Variants in MEGF9 observed in about 807,000 individuals in gnomAD.
MEGF9 encodes multiple epidermal growth factor-like domains protein 9.
Under a neutral mutation model 46.8 loss-of-function variants are expected in MEGF9, and 6 were observed. That is an observed-to-expected ratio of 0.13 (90% CI 0.07 to 0.25). The LOEUF (loss-of-function observed/expected upper bound fraction) is 0.25. Ranked by LOEUF, MEGF9 falls within the 10% of genes least tolerant of loss-of-function variation. The probability of loss-of-function intolerance (pLI) is 1.00; values close to 1 mark genes in which losing one functional copy is unlikely to be tolerated. For missense variants in MEGF9, 683 were observed against 792.4 expected (o/e 0.86, Z 1.66); for synonymous variants, 302 against 330.7 (o/e 0.91, Z 0.94).
At chr9:120,674,880 A>ATTT (rs35813407) in intron 1 of MEGF9, among the ~76,000 whole-genome samples, 6 of 135,740 alleles carry the variant, frequency 4.4e-5, no homozygotes, top group Non-Finnish European at 1.5e-5. Flanking sequence ...AGCAGTTTCT[A>ATTT]TTTTTTTTTT....
At chr9:120,684,865 G>A (rs899291033) in intron 1 of MEGF9, among the ~76,000 whole-genome samples, 2 of 150,054 alleles carry the variant, frequency 1.3e-5, no homozygotes, top group South Asian at 2.1e-4. Flanking sequence ...ACGGAGTCTC[G>A]CTCTCTCTCC....
At chr9:120,685,323 G>A (rs1018173256) in intron 1 of MEGF9, among the ~76,000 whole-genome samples, 6 of 152,122 alleles carry the variant, frequency 3.9e-5, no homozygotes, top group Admixed American at 3.3e-4. Context: ...AAACACAACC[G>A]TCGAACTTCC....
At position 120,600,903 on chromosome 9, in the gene MEGF9, A is replaced by G. The variant is rs576556071; in HGVS notation, c.*4287T>C. 1 of 152,810 alleles carries G rather than the reference A, an allele frequency of 6.5e-6. No homozygotes were observed. Among genetic ancestry groups the G allele is most frequent in the African/African-American group, 2.4e-5 (1 of 41,596 alleles). 9.5% of individuals were successfully genotyped at this position (152,810 alleles called of 1,614,324 possible). On this transcript the variant is annotated 3_prime_UTR_variant, in exon 6 of 6. Coordinates refer to ENST00000373930, the MANE Select transcript of MEGF9 (RefSeq NM_001080497.3). Reference sequence around the variant, plus strand: ...TGAAACAACTCTGACCACACAAAAAAGTAAACAACAAATCTACAATAGGTA... The same window carrying G: ...TGAAACAACTCTGACCACACAAAAAGGTAAACAACAAATCTACAATAGGTA...
rs1234744223 is a variant in MEGF9, at chr9:120,601,537, T to C, written c.*3653A>G. The C allele has an allele frequency of 1.3e-5, 2 of 152,160 alleles. No homozygotes were observed. Among genetic ancestry groups the C allele is most frequent in the South Asian group, 4.2e-4 (2 of 4,818 alleles). 9.4% of individuals were successfully genotyped at this position (152,160 alleles called of 1,614,324 possible). ...TTAATGGTCAATTTACCTGGGAATATTGGCGCTAGAGAACAGTGATATAAT... is the reference window on the plus strand; with the variant it reads ...TTAATGGTCAATTTACCTGGGAATACTGGCGCTAGAGAACAGTGATATAAT... On this transcript the variant is annotated 3_prime_UTR_variant, in exon 6 of 6. Coordinates refer to ENST00000373930, the MANE Select transcript of MEGF9 (RefSeq NM_001080497.3).
rs1348737925 is a variant in MEGF9 at position 120,603,229 on chromosome 9, T to C, written c.*1961A>G. Reference sequence around the variant, plus strand: ...CTCTGTGCCTCAGCCTTTTCATCTATAAAATGGGGACAACAATTACTTCCT... The same window carrying C: ...CTCTGTGCCTCAGCCTTTTCATCTACAAAATGGGGACAACAATTACTTCCT... On this transcript the variant is annotated 3_prime_UTR_variant, in exon 6 of 6. Transcript: ENST00000373930. 2 of 152,180 alleles carry C rather than the reference T, an allele frequency of 1.3e-5. No homozygotes were observed. The highest frequency in any genetic ancestry group is 2.9e-5 in the Non-Finnish European group (2 of 68,042). 9.4% of individuals were successfully genotyped at this position (152,180 alleles called of 1,614,324 possible).
chr9:120,641,073 G>A (rs972827158), intron 2 of MEGF9, among the ~76,000 whole-genome samples: 1 of 152,122 alleles, frequency 6.6e-6, no homozygotes, highest in Non-Finnish European at 1.5e-5. Flanking sequence ...ATTCCATGGT[G>A]TATATGTACC....
At position 120,605,857 on chromosome 9, in the gene MEGF9, T is replaced by A. The variant is rs2043418244; in HGVS notation, c.1358-216A>T. On this transcript the variant is annotated intron_variant, in intron 5 of 5. Coordinates refer to ENST00000373930, the MANE Select transcript of MEGF9 (RefSeq NM_001080497.3). The surrounding 1 kb of genome is among the most constrained non-coding windows in gnomAD (Gnocchi z 4.0). ...CTAGATTATTACATCTATGGCTGTT[T>A]TCCAATATGTATAATATCTACATTA... Among the ~76,000 whole-genome samples the A allele has an allele frequency of 6.6e-6, 1 of 152,164 alleles. No individual in the cohort carries two copies. The highest frequency in any genetic ancestry group is 2.4e-5 in the African/African-American group (1 of 41,438).
At chr9:120,668,307 T>G (rs2043734342) in intron 1 of MEGF9, among the ~76,000 whole-genome samples, 1 of 152,194 alleles carries the variant, frequency 6.6e-6, no homozygotes, top group South Asian at 2.1e-4. Flanking sequence ...TTTGAAAACT[T>G]GGGAAACTTA....
Position 120,662,348 on chromosome 9 carries a change from T to A in MEGF9, c.602-2773A>T, listed in dbSNP as rs555305665. 2.0e-5 allele frequency among the ~76,000 whole-genome samples: 3 copies of A among 152,306 alleles called. No homozygotes were observed. In the East Asian group the frequency reaches 5.8e-4, roughly 29 times the overall value. ...CTCTTTTTCACATATTCAAACCTAT[T>A]CTCTATTTTAAGAATCAGCTGAAAC... On this transcript the variant is annotated intron_variant, in intron 1 of 5. Coordinates refer to ENST00000373930, the MANE Select transcript of MEGF9 (RefSeq NM_001080497.3).
chr9:120,661,413 A>T (rs1301001880), intron 1 of MEGF9, among the ~76,000 whole-genome samples: 3 of 152,178 alleles, frequency 2.0e-5, no homozygotes, highest in Non-Finnish European at 4.4e-5. Context: ...GCTACTCGGG[A>T]GGCTGAGGTG....
At chr9:120,635,298 T>C (rs10760109) in intron 2 of MEGF9, among the ~76,000 whole-genome samples, 146,458 of 152,266 alleles carry the variant, frequency 0.96, 70,468 homozygotes, top group East Asian at 1. Flanking sequence ...TTGGATGGGA[T>C]CTTTTTGTGT....
chr9:120,644,131 C>T (rs1325640467), intron 2 of MEGF9, among the ~76,000 whole-genome samples: 5 of 152,094 alleles, frequency 3.3e-5, no homozygotes, highest in Admixed American at 6.5e-5. Flanking sequence ...TCCATTTTTT[C>T]GGTTCCAGAA....
At chr9:120,679,556 T>A (rs2043789070) in intron 1 of MEGF9, among the ~76,000 whole-genome samples, 1 of 151,842 alleles carries the variant, frequency 6.6e-6, no homozygotes, top group South Asian at 2.1e-4. Context: ...CACACCAACA[T>A]GGCACATGTA....
intron 4 of MEGF9, 120 bp downstream of exon 4, chr9:120,612,276 C>A (rs764945321): frequency 1.2e-6 from 1 of 862,220 alleles, no homozygotes; most frequent in Non-Finnish European, 1.7e-6. Flanking sequence ...AAAACTTTTG[C>A]TGTTTTTATA....
intron 2 of MEGF9, among the ~76,000 whole-genome samples, chr9:120,639,668 A>G (rs534116494): frequency 3.8e-4 from 58 of 152,278 alleles, no homozygotes; most frequent in African/African-American, 1.4e-3. Context: ...CAGGTTTGTT[A>G]AGATTAACTT....
In MEGF9 at chr9:120,605,567, G is replaced by T; in HGVS notation, c.1432C>A (p.Pro478Thr). ...GGGGTAAAAGTACTATTTATAACAG[G>T]GGTGGGCACTGATGTGGTCAAAGAG... ...NASLTTSVPTPVINSTFTPTT... is the reference protein window; with the variant it reads ...NASLTTSVPTTVINSTFTPTT... The change falls in exon 6 of 6, where the codon CCT becomes ACT. Residue 478 changes from proline to threonine, a missense_variant. Physicochemically the swap from Pro to Thr is conservative, Grantham distance 38 (BLOSUM62 -1). Coordinates refer to ENST00000373930, the MANE Select transcript of MEGF9 (RefSeq NM_001080497.3). The surrounding 1 kb of genome is among the most constrained non-coding windows in gnomAD (Gnocchi z 4.0). 1.2e-6 allele frequency: 2 copies of T among 1,608,434 alleles called. No homozygotes were observed. The highest frequency in any genetic ancestry group is 2.2e-5 in the East Asian group (1 of 44,770).
rs556783992 is a variant in MEGF9, at chr9:120,605,127, C to G, written c.*63G>C. The stretch of plus-strand genomic sequence containing the variant: ...CAAACTCTAGCCAGGCTTTGTCTGG[C>G]CCAGGGGCTGACTCTGTCTTAGCAA... On this transcript the variant is annotated 3_prime_UTR_variant, in exon 6 of 6. Transcript: ENST00000373930. The surrounding 1 kb of genome is among the most constrained non-coding windows in gnomAD (Gnocchi z 4.0). 1 of 1,500,558 alleles carries G rather than the reference C, an allele frequency of 6.7e-7. No homozygotes were observed. Among genetic ancestry groups the G allele is most frequent in the East Asian group, 2.3e-5 (1 of 44,180 alleles). The allele number at this position is 1,500,558 out of a possible 1,614,324, so 93.0% of individuals were successfully genotyped here. A position where few individuals can be genotyped will look rare whatever the true frequency, so the allele number is the denominator to read the frequency against.
At chr9:120,669,723 T>C (rs2043740328) in intron 1 of MEGF9, among the ~76,000 whole-genome samples, 2 of 152,148 alleles carry the variant, frequency 1.3e-5, no homozygotes, top group Non-Finnish European at 2.9e-5. Flanking sequence ...CAAATATATT[T>C]AATATGGTTA....
intron 1 of MEGF9, among the ~76,000 whole-genome samples, chr9:120,693,275 C>CAAAAAAAAAAA (rs10633158): frequency 2.5e-4 from 26 of 104,296 alleles, no homozygotes; most frequent in East Asian, 5.4e-4. Flanking sequence ...TCTGGTTAAC[C>CAAAAAAAAAAA]AAAAAAAAAA....
Sources: allele counts gnomAD v4.1 joint callset (sites outside exome capture counted in the v4.1 genomes callset), GRCh38; gene constraint gnomAD v4.1.1; non-coding constraint Gnocchi (gnomAD v3.1); transcripts MANE v1.5; gene names NCBI Gene and HGNC (gene_info 2026-07-23, HGNC 2026-07-21).